Variants in MIOS observed in about 807,000 individuals in gnomAD.
MIOS encodes the protein meiosis regulator for oocyte development.
A neutral mutation model predicts 96.9 loss-of-function variants in MIOS; 52 were observed. The observed-to-expected ratio is 0.54, with a 90% confidence interval of 0.43 to 0.68. MIOS has a LOEUF of 0.68. Among genes scored for constraint, MIOS ranks in the 30% least tolerant of loss-of-function variants. MIOS has a pLI of 0.00. For missense variants in MIOS, 1,005 were observed against 1,052.8 expected (o/e 0.95, Z 0.63); for synonymous variants, 397 against 359.5 (o/e 1.10, Z -1.18).
intron 9 of MIOS, among the ~76,000 whole-genome samples, chr7:7,590,661 G>C (rs971895821): frequency 6.6e-6 from 1 of 151,594 alleles, no homozygotes; most frequent in African/African-American, 2.4e-5. Flanking sequence ...CCTTATTTTG[G>C]GTTAATATTT....
intron 11 of MIOS, chr7:7,605,191 C>G (rs1330086732): frequency 1.3e-5 from 2 of 151,948 alleles, no homozygotes; most frequent in African/African-American, 4.8e-5. Flanking sequence ...TCTAATTAAG[C>G]AATTGTTTAA....
intron 9 of MIOS, among the ~76,000 whole-genome samples, chr7:7,592,980 G>A (rs970792072): frequency 1.2e-4 from 18 of 152,106 alleles, no homozygotes; most frequent in Non-Finnish European, 2.4e-4. Flanking sequence ...CTTCTGATTT[G>A]GTCAGACTCA....
chr7:7,569,179 C>G (rs1783259905), intron 3 of MIOS, among the ~76,000 whole-genome samples: 1 of 152,164 alleles, frequency 6.6e-6, no homozygotes, highest in Non-Finnish European at 1.5e-5. Context: ...AGTATGAACC[C>G]TTATTTGGCA....
chr7:7,577,070 T>G (rs1783558762), intron 5 of MIOS, among the ~76,000 whole-genome samples: 1 of 152,156 alleles, frequency 6.6e-6, no homozygotes, highest in South Asian at 2.1e-4. Context: ...AGGAATATAA[T>G]GTATGTCAGA....
In MIOS at chr7:7,572,696, C is replaced by G. The variant is rs1234547955; in HGVS notation, c.221C>G (p.Pro74Arg). The change falls in exon 4 of 13, where the codon CCT becomes CGT. Residue 74 changes from proline (P) to arginine (R), a missense_variant. Pro to Arg is a moderately radical substitution (Grantham distance 103). This residue lies in a region of MIOS where 137 missense variants were observed against 148.6 expected (regional missense o/e 0.92). Transcript: ENST00000340080. This position sits in a 1 kb window ranked among gnomAD's most constrained non-coding sequence, Gnocchi z 4.8. ...GTTGCCTGGTATCTTAATTATGATC[C>G]TGAATGTCTGCTGGCAGTTGGACAA... ...KCVAWYLNYDPECLLAVGQAN... is the reference protein window; with the variant it reads ...KCVAWYLNYDRECLLAVGQAN... 1 of 1,613,988 alleles carries G rather than the reference C, an allele frequency of 6.2e-7. No individual in the cohort carries two copies. The highest frequency in any genetic ancestry group is 8.5e-7 in the Non-Finnish European group (1 of 1,180,014).
rs530606523 is a variant in MIOS, at chr7:7,600,865, G to A, written c.2401+4404G>A. Reference sequence around the variant, plus strand: ...AAAAGAACAGAAATTATAACAAACTGTCTCTCAGACCACAGTGCAATCAAA... The same window carrying A: ...AAAAGAACAGAAATTATAACAAACTATCTCTCAGACCACAGTGCAATCAAA... On this transcript the variant is annotated intron_variant, in intron 11 of 12. Transcript: ENST00000340080. Among the ~76,000 whole-genome samples, 1,476 of 152,200 alleles carry A rather than the reference G, an allele frequency of 9.7e-3. 16 individuals carry two copies. Among genetic ancestry groups the A allele is most frequent in the Non-Finnish European group, 0.017 (1,127 of 68,004 alleles).
At chr7:7,593,366 T>A (rs966118905) in intron 9 of MIOS, among the ~76,000 whole-genome samples, 1 of 152,190 alleles carries the variant, frequency 6.6e-6, no homozygotes. Context: ...CAGTTTTTGA[T>A]TGGATGTCTA....
At chr7:7,567,858 A>C (rs909872936) in intron 2 of MIOS, among the ~76,000 whole-genome samples, 168 bp from the exon 3 acceptor site, 1 of 152,240 alleles carries the variant, frequency 6.6e-6, no homozygotes, top group Non-Finnish European at 1.5e-5. Flanking sequence ...AAAAACGTAA[A>C]AATCCTCAAT....
In MIOS at chr7:7,585,653, G is replaced by A; in HGVS notation, c.1666G>A (p.Val556Met). The A allele has an allele frequency of 6.3e-7, 1 of 1,588,508 alleles. No homozygotes were observed. Among genetic ancestry groups the A allele is most frequent in the Non-Finnish European group, 8.6e-7 (1 of 1,169,052 alleles). ...ATATGCAGGAGATCTGAATCTCAAT[G>A]TGGTAGCAATGGCTTTATCGGGTTA... ...SSEKGDLNLN[V>M]VAMALSGYTD... Residue 556 changes from valine to methionine, a missense_variant, in exon 7 of 13, where the codon GTG becomes ATG. By Grantham distance (21) the Val-to-Met change is conservative. This residue lies in a region of MIOS where 865 missense variants were observed against 887.9 expected (regional missense o/e 0.97). Transcript: ENST00000340080.
At chr7:7,606,145 G>T in intron 12 of MIOS, 74 bp downstream of exon 12, 1 of 1,546,748 alleles carries the variant, frequency 6.5e-7, no homozygotes, top group Non-Finnish European at 8.8e-7. Context: ...AATAGTTTGG[G>T]TTTATCTATT....
At chr7:7,592,477 T>G (rs1206823280) in intron 9 of MIOS, among the ~76,000 whole-genome samples, 2 of 152,200 alleles carry the variant, frequency 1.3e-5, no homozygotes, top group East Asian at 3.8e-4. Flanking sequence ...TAGGGATGAT[T>G]CCAGCACATT....
Position 7,583,295 on chromosome 7 carries a change from C to T in MIOS, c.1571C>T (p.Ala524Val). Residue 524 changes from alanine (A) to valine (V), a missense_variant, in exon 6 of 13, where the codon GCT becomes GTT. By Grantham distance (64) the Ala-to-Val change is moderately conservative (BLOSUM62 0). Transcript: ENST00000340080. ...SLVQEGEWER[A>V]AAVALFNLDI... ...GTACAAGAAGGGGAATGGGAAAGAG[C>T]TGCTGCTGTGGCATTGTTCAACTTG... 1.2e-6 allele frequency: 2 copies of T among 1,614,060 alleles called. No homozygotes were observed. The highest frequency in any genetic ancestry group is 2.2e-5 in the East Asian group (1 of 44,856).
In MIOS at chr7:7,571,304, A is replaced by T. The variant is rs533954606; in HGVS notation, c.-40-1132A>T. On this transcript the variant is annotated intron_variant, in intron 3 of 12. Transcript: ENST00000340080. ...TTAGTTCGTGTGCTTCTACTGCTAG[A>T]ATATTTATTTTTTTCAAAAATTCTA... is the stretch of plus-strand genomic sequence containing the variant. Among the ~76,000 whole-genome samples, 3 of 152,310 alleles carry T rather than the reference A, an allele frequency of 2.0e-5. No individual in the cohort carries two copies. In the South Asian group the frequency reaches 6.2e-4, roughly 32 times the overall value.
intron 11 of MIOS, 171 bp from the exon 12 acceptor site, chr7:7,605,771 G>C (rs1784512204): frequency 1.9e-6 from 1 of 528,784 alleles, no homozygotes; most frequent in Non-Finnish European, 3.1e-6. Flanking sequence ...ATGTAGGGGA[G>C]CTTCTGTCAT....
chr7:7,604,799 C>A (rs1784479030), intron 11 of MIOS, among the ~76,000 whole-genome samples: 1 of 152,160 alleles, frequency 6.6e-6, no homozygotes, highest in East Asian at 1.9e-4. Flanking sequence ...CTGATTCAGT[C>A]TGTTATCTGT....
chr7:7,578,153 C>A (rs1288222680), intron 5 of MIOS, among the ~76,000 whole-genome samples: 2 of 151,914 alleles, frequency 1.3e-5, no homozygotes, highest in African/African-American at 2.4e-5. Context: ...GAGGTGTAGA[C>A]CACTGGAGAT....
chr7:7,575,501 G>A (rs376643749), intron 5 of MIOS, among the ~76,000 whole-genome samples: 1 of 152,098 alleles, frequency 6.6e-6, no homozygotes, highest in East Asian at 1.9e-4. Context: ...AGGTAAAAGG[G>A]CACACATACT....
At position 7,574,620 on chromosome 7, in the gene MIOS, A is replaced by G. The variant is rs989211585; in HGVS notation, c.1393+424A>G. Among the ~76,000 whole-genome samples, 5 of 152,248 alleles carry G rather than the reference A, an allele frequency of 3.3e-5. No homozygotes were observed. In the East Asian group the frequency reaches 9.6e-4, roughly 29 times the overall value. On this transcript the variant is annotated intron_variant, in intron 5 of 12. Transcript: ENST00000340080. Reference sequence around the variant, plus strand: ...GCTCCTCAAATACTTTCATTGAGCCATCTAACAGCAAGGAGTATGATATGA... The same window carrying G: ...GCTCCTCAAATACTTTCATTGAGCCGTCTAACAGCAAGGAGTATGATATGA...
At chr7:7,594,176 A>G (rs184851680) in intron 9 of MIOS, among the ~76,000 whole-genome samples, 55 of 152,322 alleles carry the variant, frequency 3.6e-4, no homozygotes, top group African/African-American at 1.3e-3. Flanking sequence ...GGCAAGAGTA[A>G]GAATAGACAG....
Sources: gnomAD v4.1 joint callset for allele counts (sites outside exome capture counted in the v4.1 genomes callset) on GRCh38, gnomAD v4.1.1 for gene constraint, gnomAD v4.1.1 regional missense constraint, Gnocchi (gnomAD v3.1) non-coding constraint, MANE v1.5 for transcripts, NCBI Gene and HGNC (gene_info 2026-07-23, HGNC 2026-07-21) for gene names.